CNOT4: variants seen among roughly 807,000 people sequenced by gnomAD.
CNOT4 encodes the protein CCR4-NOT transcription complex subunit 4.
In CNOT4, 8 loss-of-function variants were observed where a neutral mutation model predicts 73.8. That is an observed-to-expected ratio of 0.11 (90% CI 0.06 to 0.20). The LOEUF (loss-of-function observed/expected upper bound fraction) is 0.20. Ranked by LOEUF, CNOT4 falls within the 10% of genes least tolerant of loss-of-function variation. The pLI is 1.00. For synonymous variants in CNOT4, 293 were observed against 321.1 expected (o/e 0.91, Z 0.94); for missense variants, 564 against 883.4 (o/e 0.64, Z 4.58).
chr7:135,483,887 T>C (rs998766296), intron 1 of CNOT4, among the ~76,000 whole-genome samples: 18 of 151,902 alleles, frequency 1.2e-4, no homozygotes, highest in African/African-American at 4.4e-4. Flanking sequence ...GCAAAGAACA[T>C]CTACAAAAAA....
At position 135,438,314 on chromosome 7, in the gene CNOT4, A is replaced by C. The variant is rs751594881; in HGVS notation, c.18T>G (p.Asp6Glu). 6.2e-7 allele frequency: 1 copy of C among 1,609,572 alleles called. No homozygotes were observed. Among genetic ancestry groups the C allele is most frequent in the Non-Finnish European group, 8.5e-7 (1 of 1,178,282 alleles). Residue 6 changes from aspartate to glutamate, a missense_variant, in exon 2 of 12, where the codon GAT becomes GAG. Asp to Glu is a conservative substitution (Grantham distance 45, BLOSUM62 2). Around this residue, in one of 10 missense-constraint regions of CNOT4, gnomAD observed 76 missense variants for 208.7 expected, o/e 0.36. Transcript: ENST00000541284. The stretch of plus-strand genomic sequence containing the variant: ...GGCACTCCACAGGGTCTTCCTTCGC[A>C]TCAGGACTGCGAGACATCTTCACGT... MSRSP[D>E]AKEDPVECPL... is the part of the protein sequence containing the mutation.
intron 1 of CNOT4, among the ~76,000 whole-genome samples, chr7:135,470,174 A>G (rs1801488331): frequency 6.6e-6 from 1 of 151,538 alleles, no homozygotes; most frequent in Non-Finnish European, 1.5e-5. Context: ...TCACCCAGGC[A>G]CAGCAACTGC....
chr7:135,379,237 A>T (rs1462002104), intron 10 of CNOT4, among the ~76,000 whole-genome samples: 1 of 152,200 alleles, frequency 6.6e-6, no homozygotes, highest in Non-Finnish European at 1.5e-5. Context: ...GTGTTATAAA[A>T]CAAAGGTTGC....
intron 1 of CNOT4, among the ~76,000 whole-genome samples, chr7:135,464,972 G>C (rs1319644119): frequency 2.0e-5 from 3 of 152,052 alleles, no homozygotes; most frequent in South Asian, 2.1e-4. Flanking sequence ...ATTTGAATTG[G>C]AAGAGAATCT....
At chr7:135,505,043 G>C (rs997950629) in intron 1 of CNOT4, among the ~76,000 whole-genome samples, 1 of 152,124 alleles carries the variant, frequency 6.6e-6, no homozygotes, top group African/African-American at 2.4e-5. Flanking sequence ...TGATTATTTT[G>C]ATTTCAAATT....
At chr7:135,443,230 C>T (rs892330199) in intron 1 of CNOT4, among the ~76,000 whole-genome samples, 2 of 151,462 alleles carry the variant, frequency 1.3e-5, no homozygotes, top group Admixed American at 6.6e-5. Flanking sequence ...TGGCACATGC[C>T]TGTAGTCCCA....
rs1349389938 is a variant in CNOT4, at chr7:135,363,709, T to C, written c.1840+145A>G. Reference sequence around the variant, plus strand: ...GCCGACAGGTTAAATGAGACTTGCATGACCCCTGAGAACGAAACAAGCCAC... The same window carrying C: ...GCCGACAGGTTAAATGAGACTTGCACGACCCCTGAGAACGAAACAAGCCAC... On this transcript the variant is annotated intron_variant, in intron 11 of 11. Transcript: ENST00000541284. The surrounding 1 kb of genome is among the most constrained non-coding windows in gnomAD (Gnocchi z 4.3). 1 of 637,102 alleles carries C rather than the reference T, an allele frequency of 1.6e-6. No homozygotes were observed. Among genetic ancestry groups the C allele is most frequent in the Non-Finnish European group, 2.6e-6 (1 of 377,572 alleles). The allele number at this position is 637,102 out of a possible 1,614,324, so 39.5% of individuals were successfully genotyped here.
chr7:135,431,515 G>A (rs1333739228), intron 2 of CNOT4, among the ~76,000 whole-genome samples: 2 of 152,188 alleles, frequency 1.3e-5, no homozygotes, highest in African/African-American at 4.8e-5. Flanking sequence ...AGGCCAAGGC[G>A]GGTGGATCAC....
chr7:135,494,412 G>A (rs1297658588), intron 1 of CNOT4, among the ~76,000 whole-genome samples: 1 of 144,066 alleles, frequency 6.9e-6, no homozygotes, highest in Non-Finnish European at 1.5e-5. Context: ...GGAGGTTTCA[G>A]GGAGCCGAGA....
chr7:135,494,363 G>A (rs1803316072), intron 1 of CNOT4, among the ~76,000 whole-genome samples: 2 of 151,344 alleles, frequency 1.3e-5, no homozygotes, highest in Admixed American at 6.6e-5. Flanking sequence ...CCAGCTACTC[G>A]GGAGGCTGAG....
intron 7 of CNOT4, among the ~76,000 whole-genome samples, chr7:135,401,861 T>C (rs770836575): frequency 3.9e-5 from 6 of 152,098 alleles, no homozygotes; most frequent in Non-Finnish European, 5.9e-5. Flanking sequence ...GAAAGAGAAA[T>C]CAAGATGCTG....
At chr7:135,378,293 C>A (rs1391458211) in intron 10 of CNOT4, among the ~76,000 whole-genome samples, 4 of 151,968 alleles carry the variant, frequency 2.6e-5, no homozygotes, top group Non-Finnish European at 5.9e-5. Flanking sequence ...CATCTGAGGT[C>A]AGGAGCTCGA....
intron 2 of CNOT4, among the ~76,000 whole-genome samples, chr7:135,429,887 C>T (rs1013067719): frequency 6.6e-6 from 1 of 152,140 alleles, no homozygotes; most frequent in Non-Finnish European, 1.5e-5. Flanking sequence ...GTTCAAGAGT[C>T]ATAATGAATG....
At chr7:135,380,318 G>A (rs1006105120) in intron 10 of CNOT4, among the ~76,000 whole-genome samples, 1 of 152,104 alleles carries the variant, frequency 6.6e-6, no homozygotes, top group South Asian at 2.1e-4. Flanking sequence ...TATGTGTGTT[G>A]TCCCCTAAAT....
intron 1 of CNOT4, among the ~76,000 whole-genome samples, chr7:135,460,106 G>A (rs1800782856): frequency 6.6e-6 from 1 of 152,218 alleles, no homozygotes; most frequent in Non-Finnish European, 1.5e-5. Flanking sequence ...GTGAGTTAGA[G>A]CTTTGCTCTG....
At chr7:135,466,035 C>T (rs977961217) in intron 1 of CNOT4, among the ~76,000 whole-genome samples, 1 of 150,972 alleles carries the variant, frequency 6.6e-6, no homozygotes, top group African/African-American at 2.4e-5. Context: ...GGCAACAAAG[C>T]GAGACTCCAT....
At chr7:135,483,734 G>C (rs2129487375) in intron 1 of CNOT4, among the ~76,000 whole-genome samples, 1 of 152,148 alleles carries the variant, frequency 6.6e-6, no homozygotes, top group South Asian at 2.1e-4. Context: ...TGAGGTAGGA[G>C]GATCACTTAA....
At chr7:135,400,229 GC>G (rs141427624) in intron 7 of CNOT4, among the ~76,000 whole-genome samples, 5,289 of 152,160 alleles carry the variant, frequency 0.035, 311 homozygotes, top group African/African-American at 0.12. Context: ...AAATGGGATA[GC>G]TGGAATAATA....
At chr7:135,365,098 G>T (rs1038831263) in intron 10 of CNOT4, among the ~76,000 whole-genome samples, 4 of 152,170 alleles carry the variant, frequency 2.6e-5, no homozygotes, top group Non-Finnish European at 5.9e-5. Context: ...GTTCTAACAG[G>T]CACGATCTAT....
Sources: allele counts gnomAD v4.1 joint callset (sites outside exome capture counted in the v4.1 genomes callset), GRCh38; gene constraint gnomAD v4.1.1; regional missense constraint gnomAD v4.1.1; non-coding constraint Gnocchi (gnomAD v3.1); transcripts MANE v1.5; gene names NCBI Gene and HGNC (gene_info 2026-07-23, HGNC 2026-07-21).